The following ZFHX3 variants were observed in gnomAD, a reference collection of about 807,000 sequenced individuals.
ZFHX3 encodes the protein zinc finger homeobox protein 3.
Under a neutral mutation model 279.1 loss-of-function variants are expected in ZFHX3, and 42 were observed. That is an observed-to-expected ratio of 0.15 (90% CI 0.12 to 0.19). ZFHX3 has a LOEUF of 0.19. Ranked by LOEUF, ZFHX3 falls within the 10% of genes least tolerant of loss-of-function variation. ZFHX3 has a pLI of 1.00. For missense variants in ZFHX3, 4,981 were observed against 4,754.0 expected (o/e 1.05, Z -1.40); for synonymous variants, 2,293 against 1,957.8 (o/e 1.17, Z -4.52).
intron 2 of ZFHX3, among the ~76,000 whole-genome samples, chr16:73,604,106 G>C (rs1328846019): frequency 6.6e-6 from 1 of 151,960 alleles, no homozygotes; most frequent in Admixed American, 6.6e-5. Flanking sequence ...ATAAAGAGTA[G>C]ACTAGAAAAC....
chr16:73,750,436 G>T (rs769362389), intron 1 of ZFHX3, among the ~76,000 whole-genome samples: 47 of 152,166 alleles, frequency 3.1e-4, no homozygotes, highest in African/African-American at 1.1e-3. Context: ...ATTGGGAGGT[G>T]TTCCTAACAG....
chr16:73,347,941 CTT>C (rs1039171420), intron 3 of ZFHX3, among the ~76,000 whole-genome samples: 1 of 152,170 alleles, frequency 6.6e-6, no homozygotes, highest in African/African-American at 2.4e-5. Context: ...AGAGTGAAAA[CTT>C]TTGATATTTA....
chr16:73,758,133 A>G (rs560265644), intron 1 of ZFHX3, among the ~76,000 whole-genome samples: 6 of 152,288 alleles, frequency 3.9e-5, no homozygotes, highest in South Asian at 2.1e-4. Context: ...AAGGAGCTCA[A>G]TTCTTCCCAA....
chr16:73,509,820 C>T (rs941883536), intron 2 of ZFHX3, among the ~76,000 whole-genome samples: 9 of 148,910 alleles, frequency 6.0e-5, no homozygotes, highest in South Asian at 2.2e-4. Context: ...CTCAGCCTCC[C>T]GAGTAGCTGG....
intron 7 of ZFHX3, among the ~76,000 whole-genome samples, chr16:73,114,690 A>G (rs1290632495): frequency 6.6e-6 from 1 of 152,200 alleles, no homozygotes; most frequent in African/African-American, 2.4e-5. Flanking sequence ...AAAAACGTAA[A>G]GTAAAATAAA....
At chr16:73,157,465 T>TTAAAAAAAAAAAAAAAAAAAAAA (rs1346539597) in intron 5 of ZFHX3, among the ~76,000 whole-genome samples, 1 of 76,522 alleles carries the variant, frequency 1.3e-5, no homozygotes, top group African/African-American at 5.9e-5. Flanking sequence ...GAATGTTTGG[T>TTAAAAAAAAAAAAAAAAAAAAAA]AAAAAAAAAA....
At chr16:73,093,223 A>T (rs751935491) in intron 8 of ZFHX3, 1 of 518,856 alleles carries the variant, frequency 1.9e-6, no homozygotes, top group Admixed American at 1.9e-5. Flanking sequence ...TAAGGGAATG[A>T]TCCGGTCCTA....
intron 1 of ZFHX3, among the ~76,000 whole-genome samples, chr16:73,028,584 G>A (rs1246125577): frequency 2.0e-5 from 3 of 152,162 alleles, no homozygotes; most frequent in African/African-American, 4.8e-5. Context: ...CAACAGACAG[G>A]GGACGATTGT....
intron 7 of ZFHX3, among the ~76,000 whole-genome samples, chr16:72,803,682 T>C (rs994330512): frequency 3.5e-4 from 53 of 152,362 alleles, no homozygotes; most frequent in Admixed American, 1.3e-3. Flanking sequence ...ACTTTCTACA[T>C]TGAATGTACC....
At chr16:73,204,421 T>G (rs191948028) in intron 5 of ZFHX3, among the ~76,000 whole-genome samples, 7 of 152,286 alleles carry the variant, frequency 4.6e-5, no homozygotes, top group Admixed American at 4.6e-4. Flanking sequence ...AGGCATTAGA[T>G]TCTCACAAGA....
chr16:73,288,128 G>A lies in ZFHX3; in HGVS notation c.-1194+30112C>T, dbSNP rs147294801. Among the ~76,000 whole-genome samples, 23 of 151,832 alleles carry A rather than the reference G, an allele frequency of 1.5e-4. No homozygotes were observed. The South Asian group carries it at 2.9e-3, about 19-fold the overall frequency. On this transcript the variant is annotated intron_variant, in intron 4 of 17. Coordinates refer to the ZFHX3 transcript ENST00000641206. ...CAGCAGGGAGCCAAGGAGGAGGGTG[G>A]GGGTCTGGCTCTTTATCAGCCTCTC...
chr16:73,443,425 G>A (rs2018130041), intron 3 of ZFHX3, among the ~76,000 whole-genome samples: 1 of 152,166 alleles, frequency 6.6e-6, no homozygotes, highest in African/African-American at 2.4e-5. Flanking sequence ...TTCATGCAAA[G>A]TTTTTGCAAA....
At chr16:73,671,659 T>C (rs1004138539) in intron 2 of ZFHX3, among the ~76,000 whole-genome samples, 1 of 152,218 alleles carries the variant, frequency 6.6e-6, no homozygotes, top group African/African-American at 2.4e-5. Flanking sequence ...GTAGTCAATA[T>C]TTTAATGAGG....
At chr16:73,838,200 C>A (rs1961195044) in intron 1 of ZFHX3, among the ~76,000 whole-genome samples, 1 of 152,190 alleles carries the variant, frequency 6.6e-6, no homozygotes, top group Admixed American at 6.5e-5. Flanking sequence ...GAAAGCCTTT[C>A]TTCTGTTAGG....
chr16:73,800,405 C>T (rs1960110272), intron 1 of ZFHX3, among the ~76,000 whole-genome samples: 1 of 151,946 alleles, frequency 6.6e-6, no homozygotes, highest in African/African-American at 2.4e-5. Context: ...TTAGTAGAGA[C>T]GGGGTTTCAC....
chr16:73,043,182 G>A (rs1376434164), intron 1 of ZFHX3, among the ~76,000 whole-genome samples: 1 of 152,188 alleles, frequency 6.6e-6, no homozygotes, highest in African/African-American at 2.4e-5. Flanking sequence ...ACACACAGCA[G>A]AACCACCTAA....
chr16:73,108,730 G>C (rs908343361), intron 7 of ZFHX3, among the ~76,000 whole-genome samples: 13 of 152,216 alleles, frequency 8.5e-5, no homozygotes, highest in African/African-American at 1.2e-4. Context: ...GGTTCTAACA[G>C]GGTTAAAGTT....
chr16:72,951,593 T>C (rs978964459), intron 2 of ZFHX3, among the ~76,000 whole-genome samples: 1 of 152,172 alleles, frequency 6.6e-6, no homozygotes, highest in Non-Finnish European at 1.5e-5. Flanking sequence ...ATCCCTTCTC[T>C]GAGATCCAAG....
rs1478257747 is a variant in ZFHX3 at position 72,861,373 on chromosome 16, C to T, written c.3448+28358G>A. Among the ~76,000 whole-genome samples, 6 of 152,282 alleles carry T rather than the reference C, an allele frequency of 3.9e-5. No homozygotes were observed. In the East Asian group the frequency reaches 5.8e-4, roughly 15 times the overall value. Reference sequence around the variant, plus strand: ...ATGGAGAAGCCACTCAGAAGCTGGCCGGCCATCCTGTTTTGGGTGCAGTCC... The same window carrying T: ...ATGGAGAAGCCACTCAGAAGCTGGCTGGCCATCCTGTTTTGGGTGCAGTCC... On this transcript the variant is annotated intron_variant, in intron 4 of 9. Coordinates refer to ENST00000268489, the MANE Select transcript of ZFHX3 (RefSeq NM_006885.4).
Sources: allele counts gnomAD v4.1 joint callset (sites outside exome capture counted in the v4.1 genomes callset), GRCh38; gene constraint gnomAD v4.1.1; transcripts MANE v1.5; gene names NCBI Gene and HGNC (gene_info 2026-07-23, HGNC 2026-07-21).